PALM2AKAP2: variants seen among roughly 807,000 people sequenced by gnomAD.
PALM2AKAP2 encodes the protein PALM2 and AKAP2 fusion.
Under a neutral mutation model 71.5 loss-of-function variants are expected in PALM2AKAP2, and 37 were observed. The observed-to-expected ratio is 0.52, with a 90% CI of 0.40 to 0.68. The LOEUF (loss-of-function observed/expected upper bound fraction) is 0.68. PALM2AKAP2 is among the 30% of genes least tolerant of loss of function. The pLI is 0.00. For missense variants in PALM2AKAP2, 1,224 were observed against 1,191.8 expected (o/e 1.03, Z -0.40); for synonymous variants, 468 against 478.8 (o/e 0.98, Z 0.29).
chr9:109,954,829 T>C (rs1239376336), intron 6 of PALM2AKAP2, among the ~76,000 whole-genome samples: 1 of 152,156 alleles, frequency 6.6e-6, no homozygotes, highest in African/African-American at 2.4e-5. Flanking sequence ...CCAATAATAA[T>C]AAATTAAGAG....
At chr9:109,929,179 T>G (rs539490292) in intron 5 of PALM2AKAP2, among the ~76,000 whole-genome samples, 47 of 148,804 alleles carry the variant, frequency 3.2e-4, no homozygotes, top group Non-Finnish European at 5.2e-4. Flanking sequence ...GTTTTTTTTT[T>G]TTTGTTTCTT....
intron 3 of PALM2AKAP2, among the ~76,000 whole-genome samples, chr9:109,881,069 G>A (rs1257988712): frequency 6.6e-6 from 1 of 152,078 alleles, no homozygotes; most frequent in African/African-American, 2.4e-5. Flanking sequence ...CCCAGTGTGT[G>A]TTGTTCCCTT....
chr9:110,156,350 C>G (rs1836455434), exon 3 of PALM2AKAP2: 4 of 1,604,654 alleles, frequency 2.5e-6, no homozygotes, highest in Non-Finnish European at 3.4e-6. Context: ...CTCCTCCATC[C>G]CCCACCACTG....
At chr9:110,047,678 T>G (rs1184153317), upstream of PALM2AKAP2, among the ~76,000 whole-genome samples, 10 of 152,086 alleles carry the variant, frequency 6.6e-5, no homozygotes, top group African/African-American at 2.4e-4. Flanking sequence ...ATTCAAGAAA[T>G]CTGACTTTTG....
chr9:109,811,050 C>A (rs1036830027), intron 1 of PALM2AKAP2, among the ~76,000 whole-genome samples: 3 of 152,190 alleles, frequency 2.0e-5, no homozygotes, highest in African/African-American at 7.2e-5. Context: ...AAATAATCCT[C>A]TCAGACAGTT....
chr9:110,088,310 TACAAA>T (rs1305410775), intron 1 of PALM2AKAP2, among the ~76,000 whole-genome samples: 2 of 152,128 alleles, frequency 1.3e-5, no homozygotes, highest in Admixed American at 1.3e-4. Context: ...AGGCTGAAGT[TACAAA>T]GCTACACCCT....
intron 1 of PALM2AKAP2, among the ~76,000 whole-genome samples, chr9:110,063,312 C>T (rs1476828363): frequency 1.3e-5 from 2 of 152,118 alleles, no homozygotes; most frequent in East Asian, 1.9e-4. Context: ...CAGGTGTTTG[C>T]AGGGTTGGTT....
chr9:110,044,062 T>G (rs1175914292), upstream of PALM2AKAP2, among the ~76,000 whole-genome samples: 1 of 152,042 alleles, frequency 6.6e-6, no homozygotes, highest in East Asian at 1.9e-4. Context: ...TTTCTTCAAT[T>G]TTCTTATTGA....
intron 1 of PALM2AKAP2, 29 bp downstream of exon 1, chr9:109,780,562 C>G: frequency 6.2e-7 from 1 of 1,613,146 alleles, no homozygotes; most frequent in Admixed American, 1.7e-5. Context: ...TATTTTCTTG[C>G]TCTATTGTCT....
chr9:109,942,799 T>G, intron 6 of PALM2AKAP2: 5 of 1,614,136 alleles, frequency 3.1e-6, no homozygotes, highest in Non-Finnish European at 4.2e-6. Flanking sequence ...AGTCAAAGTC[T>G]ATGATGATGG....
At chr9:109,932,004 C>G (rs1831114142) in exon 6 of PALM2AKAP2, 1 of 1,613,512 alleles carries the variant, frequency 6.2e-7, no homozygotes, top group African/African-American at 1.3e-5. Flanking sequence ...ATCACCTGGG[C>G]AGGACGGGAC....
chr9:109,839,506 A>G (rs1211175337), intron 1 of PALM2AKAP2, among the ~76,000 whole-genome samples: 1 of 152,128 alleles, frequency 6.6e-6, no homozygotes, highest in Non-Finnish European at 1.5e-5. Context: ...CACCACTCCT[A>G]TTCAACATAG....
chr9:109,708,459 C>A (rs984852818), intron 1 of PALM2AKAP2, among the ~76,000 whole-genome samples: 1 of 152,166 alleles, frequency 6.6e-6, no homozygotes, highest in Non-Finnish European at 1.5e-5. Flanking sequence ...AAGCATCAAG[C>A]ATCATATGGC....
chr9:109,788,846 G>C (rs1418086331), intron 1 of PALM2AKAP2, among the ~76,000 whole-genome samples: 3 of 152,218 alleles, frequency 2.0e-5, no homozygotes, highest in Non-Finnish European at 4.4e-5. Flanking sequence ...GCTGAGGTGG[G>C]AAGATCGCTT....
chr9:109,906,019 C>T (rs1221483053), intron 3 of PALM2AKAP2, among the ~76,000 whole-genome samples: 1 of 125,774 alleles, frequency 8.0e-6, no homozygotes, highest in African/African-American at 2.6e-5. Flanking sequence ...GGTCAGTTTA[C>T]GTTGCATTTC....
chr9:109,971,746 G>A (rs193045884), intron 6 of PALM2AKAP2, among the ~76,000 whole-genome samples: 1 of 152,264 alleles, frequency 6.6e-6, no homozygotes, highest in East Asian at 1.9e-4. Flanking sequence ...GTTGCAGAGT[G>A]TAAAACCAGA....
exon 4 of PALM2AKAP2, chr9:110,168,584 T>G: frequency 6.9e-7 from 1 of 1,454,516 alleles, no homozygotes; most frequent in Non-Finnish European, 9.3e-7. Flanking sequence ...AATGGACTAT[T>G]TATTAAAGTG....
At chr9:110,000,551 T>C (rs1588052089) in intron 6 of PALM2AKAP2, among the ~76,000 whole-genome samples, 1 of 152,342 alleles carries the variant, frequency 6.6e-6, no homozygotes, top group South Asian at 2.1e-4. Flanking sequence ...CTGGGTCAAA[T>C]GGTATTTCTA....
At chr9:110,150,592 G>A (rs1836286054) in intron 2 of PALM2AKAP2, among the ~76,000 whole-genome samples, 1 of 152,124 alleles carries the variant, frequency 6.6e-6, no homozygotes, top group African/African-American at 2.4e-5. Flanking sequence ...AATCACAACT[G>A]CAAAGTTCTT....
Sources: gnomAD v4.1 joint callset for allele counts (sites outside exome capture counted in the v4.1 genomes callset) on GRCh38, gnomAD v4.1.1 for gene constraint, MANE v1.5 for transcripts, NCBI Gene and HGNC (gene_info 2026-07-23, HGNC 2026-07-21) for gene names.